The following KIF21B variants were observed in gnomAD, a reference collection of about 807,000 sequenced individuals.
The protein encoded by KIF21B is kinesin family member 21B, also known as kinesin-like protein KIF21B.
A neutral mutation model predicts 192.9 loss-of-function variants in KIF21B; 85 were observed. The ratio of observed to expected loss-of-function variants is 0.44; its 90% CI spans 0.37 to 0.53. KIF21B has a LOEUF of 0.53. Among genes scored for constraint, KIF21B ranks in the 20% least tolerant of loss-of-function variants. The pLI is 0.00. For missense variants in KIF21B, 1,716 were observed against 2,194.8 expected (o/e 0.78, Z 4.36); for synonymous variants, 832 against 884.6 (o/e 0.94, Z 1.05).
intron 1 of KIF21B, among the ~76,000 whole-genome samples, chr1:201,014,877 C>T (rs1658418688): frequency 6.6e-6 from 1 of 152,218 alleles, no homozygotes; most frequent in Non-Finnish European, 1.5e-5. Flanking sequence ...TAACCAGAAT[C>T]CAAGAATTTC....
rs377574867 is a variant in KIF21B, at chr1:200,981,112, G to A, written c.3843-16C>T. The stretch of plus-strand genomic sequence containing the variant: ...GATGATGCCCCTTCCCGGGAGAGAG[G>A]GAGAGAAGGCATGCTCGTCAGCCAG... On this transcript the variant is annotated splice_polypyrimidine_tract_variant and intron_variant, in intron 28 of 34. Transcript: ENST00000461742. The A allele has an allele frequency of 6.7e-5, 106 of 1,572,468 alleles. No homozygotes were observed. Among genetic ancestry groups the A allele is most frequent in the Non-Finnish European group, 7.7e-5 (90 of 1,165,296 alleles).
intron 2 of KIF21B, 122 bp from the exon 3 acceptor site, chr1:201,009,073 T>C (rs912154193): frequency 7.0e-6 from 9 of 1,282,662 alleles, no homozygotes; most frequent in African/African-American, 1.5e-5. Context: ...GCTGCTTTCT[T>C]GGTCCTGAAG....
At position 201,023,267 on chromosome 1, in the gene KIF21B, G is replaced by GC. The variant is rs1377282493; in HGVS notation, c.41+75dup. The GC allele has an allele frequency of 2.8e-5, 37 of 1,317,758 alleles. No individual in the cohort carries two copies. Among genetic ancestry groups the GC allele is most frequent in the African/African-American group, 6.1e-5 (4 of 65,054 alleles). The allele number at this position is 1,317,758 out of a possible 1,614,324, so 81.6% of individuals were successfully genotyped here. A position where few individuals can be genotyped will look rare whatever the true frequency, so the allele number is the denominator to read the frequency against. On this transcript the variant is annotated intron_variant, in intron 1 of 34. Transcript: ENST00000461742. The surrounding 1 kb of genome is among the most constrained non-coding windows in gnomAD (Gnocchi z 5.9). ...AGGCTCCAGCCCAAGCGGTGCTCGC[G>GC]CCCCCCGCCCAAAGCCCACGCGAGA...
In KIF21B at chr1:200,969,736, G is replaced by C. The variant is rs971421701; in HGVS notation, c.*3785C>G. On this transcript the variant is annotated 3_prime_UTR_variant, in exon 35 of 35. Transcript: ENST00000461742. ...GGACATGGTTCACAGGACTGAACTA[G>C]AGTGTGATAGGGGCTTCAAGATCAT... 6.6e-5 allele frequency: 10 copies of C among 152,424 alleles called. No homozygotes were observed. The highest frequency in any genetic ancestry group is 2.4e-4 in the African/African-American group (10 of 41,458). The allele number at this position is 152,424 out of a possible 1,614,324, so 9.4% of individuals were successfully genotyped here.
chr1:200,986,823 G>A (rs750215440), intron 26 of KIF21B, 21 bp downstream of exon 26: 1 of 1,599,472 alleles, frequency 6.3e-7, no homozygotes, highest in Non-Finnish European at 8.5e-7. Flanking sequence ...CTCTGGAGCA[G>A]ATTCTAGAAC....
Position 201,000,790 on chromosome 1 carries a change from G to A in KIF21B, c.1403-10C>T. The stretch of plus-strand genomic sequence containing the variant: ...GCCTCATTGCCATCGCCTGGAGTGG[G>A]ACGGCGGGAAGAAGGGTGCGATAAA... On this transcript the variant is annotated splice_polypyrimidine_tract_variant and intron_variant, in intron 9 of 34. Transcript: ENST00000461742. The surrounding 1 kb of genome is among the most constrained non-coding windows in gnomAD (Gnocchi z 6.0). 1.2e-6 allele frequency: 2 copies of A among 1,614,126 alleles called. No homozygotes were observed. Among genetic ancestry groups the A allele is most frequent in the Non-Finnish European group, 1.7e-6 (2 of 1,179,978 alleles).
At chr1:200,989,448 G>A (rs1462917205) in intron 21 of KIF21B, among the ~76,000 whole-genome samples, 1 of 152,212 alleles carries the variant, frequency 6.6e-6, no homozygotes, top group East Asian at 1.9e-4. Flanking sequence ...CAGGCCCCAG[G>A]AGGGAAGGAG....
In KIF21B at chr1:201,000,737, G is replaced by C; in HGVS notation, c.1446C>G (p.Ile482Met). 1 of 1,614,250 alleles carries C rather than the reference G, an allele frequency of 6.2e-7. No individual in the cohort carries two copies. The highest frequency in any genetic ancestry group is 1.1e-5 in the South Asian group (1 of 91,092). The change falls in exon 10 of 35, where the codon ATC (isoleucine) becomes ATG (methionine). Residue 482 changes from isoleucine (I) to methionine (M), a missense_variant. Ile to Met is a conservative substitution (Grantham distance 10). This residue lies in a region of KIF21B where 1,087 missense variants were observed against 1,316.6 expected (regional missense o/e 0.83). Coordinates refer to ENST00000461742, the MANE Select transcript of KIF21B (RefSeq NM_001252102.2). This position sits in a 1 kb window ranked among gnomAD's most constrained non-coding sequence, Gnocchi z 6.0. ...EAIGALIQNY[I>M]REIEELRTKL... ...CTCACCGTAGCTCCTCGATCTCCCG[G>C]ATGTAGTTCTGGATCAGCGCACCAA... is the stretch of plus-strand genomic sequence containing the variant.
chr1:200,991,690 C>A lies in KIF21B; in HGVS notation c.2421G>T (p.Gln807His), dbSNP rs1656708884. 1.2e-6 allele frequency: 2 copies of A among 1,614,070 alleles called. No individual in the cohort carries two copies. The highest frequency in any genetic ancestry group is 1.1e-5 in the South Asian group (1 of 91,090). ...TCTTCCTCCTCAGGACCATCTCCTG[C>A]TGCCGCTTCTGGGACTCCAGAGCTC... is the stretch of plus-strand genomic sequence containing the variant. ...QIRALESQKR[Q>H]QEMVLRRKTQ... Residue 807 changes from glutamine (Q) to histidine (H), a missense_variant, in exon 17 of 35, where the codon CAG becomes CAT. Around this residue, in one of 3 missense-constraint regions of KIF21B, gnomAD observed 1,087 missense variants for 1,316.6 expected, o/e 0.83. Coordinates refer to ENST00000461742, the MANE Select transcript of KIF21B (RefSeq NM_001252102.2).
intron 15 of KIF21B, 73 bp from the exon 16 acceptor site, chr1:200,992,462 C>A (rs957252294): frequency 2.4e-5 from 36 of 1,489,598 alleles, no homozygotes; most frequent in Non-Finnish European, 3.2e-5. Context: ...AGGGAGGGGC[C>A]AGCTCTGAGG....
Position 201,008,921 on chromosome 1 carries a change from T to C in KIF21B, c.295A>G (p.Thr99Ala), listed in dbSNP as rs754527351. The C allele has an allele frequency of 6.2e-7, 1 of 1,611,600 alleles. No individual in the cohort carries two copies. The highest frequency in any genetic ancestry group is 8.5e-7 in the Non-Finnish European group (1 of 1,179,978). The change falls in exon 3 of 35, where the codon ACT becomes GCT. Residue 99 changes from threonine (T) to alanine (A), a missense_variant. By Grantham distance (58) the Thr-to-Ala change is moderately conservative. Transcript: ENST00000461742. ...TGAGKTYTMG[T>A]GFDMATSEEE... ...TCCGACGTTGCCATGTCAAAGCCAGTGCCCATGGTGTACGTCTTCCCGGCC... is the reference window on the plus strand; with the variant it reads ...TCCGACGTTGCCATGTCAAAGCCAGCGCCCATGGTGTACGTCTTCCCGGCC...
In KIF21B at chr1:200,999,310, C is replaced by T. The variant is rs1657302967; in HGVS notation, c.1885+39G>A. ...CCACACTTGGGCACTGGCAGCCAGGCATTGCATCCCCCACAGCCCACAGCT... is the reference window on the plus strand; with the variant it reads ...CCACACTTGGGCACTGGCAGCCAGGTATTGCATCCCCCACAGCCCACAGCT... On this transcript the variant is annotated intron_variant, in intron 13 of 34. Coordinates refer to ENST00000461742, the MANE Select transcript of KIF21B (RefSeq NM_001252102.2). This position sits in a 1 kb window ranked among gnomAD's most constrained non-coding sequence, Gnocchi z 4.7. 1 of 1,613,606 alleles carries T rather than the reference C, an allele frequency of 6.2e-7. No individual in the cohort carries two copies. The highest frequency in any genetic ancestry group is 8.5e-7 in the Non-Finnish European group (1 of 1,179,744).
At position 200,990,082 on chromosome 1, in the gene KIF21B, A is replaced by T; in HGVS notation, c.3031-39T>A. The T allele has an allele frequency of 6.2e-7, 1 of 1,608,556 alleles. No individual in the cohort carries two copies. The highest frequency in any genetic ancestry group is 1.1e-5 in the South Asian group (1 of 90,874). On this transcript the variant is annotated intron_variant, in intron 20 of 34. Transcript: ENST00000461742. The surrounding 1 kb of genome is among the most constrained non-coding windows in gnomAD (Gnocchi z 5.4). ...GCAGAGAGCCCCGTCACCTGGGGCT[A>T]CCCCTGCCACCCATCTCTCCCGCCT...
chr1:200,982,243 C>G lies in KIF21B; in HGVS notation c.3842+813G>C, dbSNP rs1392487857. Among the ~76,000 whole-genome samples the G allele has an allele frequency of 1.3e-5, 2 of 152,200 alleles. No homozygotes were observed. The highest frequency in any genetic ancestry group is 4.8e-5 in the African/African-American group (2 of 41,450). On this transcript the variant is annotated intron_variant, in intron 28 of 34. Transcript: ENST00000461742. This position sits in a 1 kb window ranked among gnomAD's most constrained non-coding sequence, Gnocchi z 4.7. Reference sequence around the variant, plus strand: ...ACTATGTCAAAGGGATCATGCTCCCCCCGATGACAGCCTGGCCAGCTGGCT... The same window carrying G: ...ACTATGTCAAAGGGATCATGCTCCCGCCGATGACAGCCTGGCCAGCTGGCT...
In KIF21B at chr1:200,980,944, T is replaced by A; in HGVS notation, c.3979+16A>T. The A allele has an allele frequency of 6.2e-7, 1 of 1,606,530 alleles. No homozygotes were observed. The highest frequency in any genetic ancestry group is 1.1e-5 in the South Asian group (1 of 89,630). Reference sequence around the variant, plus strand: ...GGAGACCCCAACCCTACCTGGCTAGTTGGCGTTCCACATACCTTTGGACCC... The same window carrying A: ...GGAGACCCCAACCCTACCTGGCTAGATGGCGTTCCACATACCTTTGGACCC... On this transcript the variant is annotated intron_variant, in intron 29 of 34. Coordinates refer to ENST00000461742, the MANE Select transcript of KIF21B (RefSeq NM_001252102.2).
chr1:200,990,385 C>T lies in KIF21B; in HGVS notation c.2836-53G>A. On this transcript the variant is annotated intron_variant, in intron 19 of 34. Coordinates refer to ENST00000461742, the MANE Select transcript of KIF21B (RefSeq NM_001252102.2). The surrounding 1 kb of genome is among the most constrained non-coding windows in gnomAD (Gnocchi z 5.4). ...GTGATGAAGGAGAGGCCTCAGGTAG[C>T]TGCCAAGCCCTGCCCATAGCTTCCA... The T allele has an allele frequency of 6.6e-7, 1 of 1,520,826 alleles. No homozygotes were observed. Among genetic ancestry groups the T allele is most frequent in the Non-Finnish European group, 8.9e-7 (1 of 1,125,890 alleles). 94.2% of individuals were successfully genotyped at this position (1,520,826 alleles called of 1,614,324 possible).
chr1:200,985,597 T>C (rs1337330626), intron 26 of KIF21B, among the ~76,000 whole-genome samples: 25 of 152,134 alleles, frequency 1.6e-4, no homozygotes, highest in Admixed American at 1.6e-3. Context: ...CTTAATTAAG[T>C]GCATGGACCA....
chr1:200,995,601 G>A (rs1657007714), intron 15 of KIF21B, among the ~76,000 whole-genome samples: 1 of 152,230 alleles, frequency 6.6e-6, no homozygotes, highest in South Asian at 2.1e-4. Flanking sequence ...AACACACAGT[G>A]GCTTGGGAGC....
Position 200,986,570 on chromosome 1 carries a change from C to T in KIF21B, c.3689+274G>A, listed in dbSNP as rs1208767224. ...ATGATGTTTCACCATATTGGCCAGG[C>T]TGGTCTCAAACTCCTGGGCTCAAGT... On this transcript the variant is annotated intron_variant, in intron 26 of 34. Transcript: ENST00000461742. Among the ~76,000 whole-genome samples, 3 of 152,092 alleles carry T rather than the reference C, an allele frequency of 2.0e-5. No homozygotes were observed. In the East Asian group the frequency reaches 5.8e-4, roughly 29 times the overall value.
Sources: allele counts gnomAD v4.1 joint callset (sites outside exome capture counted in the v4.1 genomes callset), GRCh38; gene constraint gnomAD v4.1.1; regional missense constraint gnomAD v4.1.1; non-coding constraint Gnocchi (gnomAD v3.1); transcripts MANE v1.5; gene names NCBI Gene and HGNC (gene_info 2026-07-23, HGNC 2026-07-21).